The following MBD5 variants were observed in gnomAD, a reference collection of about 807,000 sequenced individuals.
MBD5 encodes the protein methyl-CpG-binding domain protein 5.
MBD5 carries 13 observed loss-of-function variants against 117.3 expected under a neutral mutation model. That is an observed-to-expected ratio of 0.11 (90% CI 0.07 to 0.18). The LOEUF is 0.18. Ranked by LOEUF, MBD5 falls within the 10% of genes least tolerant of loss-of-function variation. The probability of loss-of-function intolerance (pLI) is 1.00; values close to 1 mark genes in which losing one functional copy is unlikely to be tolerated. For missense variants in MBD5, 1,879 were observed against 2,093.8 expected, an observed-to-expected ratio of 0.90 and a Z score of 2.00; for synonymous variants, 727 against 766.4, an observed-to-expected ratio of 0.95 and a Z score of 0.85.
chr2:148,213,200 A>C (rs1442580496), intron 2 of MBD5, among the ~76,000 whole-genome samples: 2 of 152,166 alleles, frequency 1.3e-5, no homozygotes, highest in Non-Finnish European at 2.9e-5. Context: ...TTATCACTTA[A>C]TTTTTTCCCT....
intron 4 of MBD5, among the ~76,000 whole-genome samples, chr2:148,397,353 G>A (rs1335428952): frequency 1.4e-5 from 2 of 141,354 alleles, no homozygotes; most frequent in African/African-American, 2.6e-5. Flanking sequence ...TTTTTGAGAC[G>A]GAGTCTCGCT....
chr2:148,172,270 C>T (rs1218573649), intron 1 of MBD5, among the ~76,000 whole-genome samples: 5 of 152,224 alleles, frequency 3.3e-5, no homozygotes, highest in Admixed American at 6.5e-5. Context: ...GCCCACCCTG[C>T]CCCTGCAGGC....
In MBD5 at chr2:148,021,432, T is replaced by C; in HGVS notation, c.-1177T>C. On this transcript the variant is annotated 5_prime_UTR_variant, in exon 1 of 14. Coordinates refer to ENST00000642680, the MANE Select transcript of MBD5 (RefSeq NM_001378120.1). ...GGAGGAGAGAAAGAAACCAAAAGCC[T>C]CTTAGCAACACAGACCCTTTGCTGC... 1 of 546,522 alleles carries C rather than the reference T, an allele frequency of 1.8e-6. No individual in the cohort carries two copies. Among genetic ancestry groups the C allele is most frequent in the South Asian group, 1.5e-5 (1 of 65,754 alleles). 33.9% of individuals were successfully genotyped at this position (546,522 alleles called of 1,614,324 possible). A position where few individuals can be genotyped will look rare whatever the true frequency, so the allele number is the denominator to read the frequency against.
intron 4 of MBD5, among the ~76,000 whole-genome samples, chr2:148,426,619 A>G (rs956151001): frequency 6.6e-6 from 1 of 152,156 alleles, no homozygotes; most frequent in African/African-American, 2.4e-5. Context: ...CTGAAACTGG[A>G]TCCCTTCCTT....
chr2:148,300,206 C>T (rs1701749763), intron 3 of MBD5, among the ~76,000 whole-genome samples: 1 of 152,224 alleles, frequency 6.6e-6, no homozygotes, highest in South Asian at 2.1e-4. Context: ...AGGTGCCCAC[C>T]ACCACATCCA....
At chr2:148,328,405 C>T in intron 3 of MBD5, among the ~76,000 whole-genome samples, 1 of 152,226 alleles carries the variant, frequency 6.6e-6, no homozygotes, top group Non-Finnish European at 1.5e-5. Flanking sequence ...TTTACCTAAG[C>T]AAGCCTGGGC....
At chr2:148,201,887 A>G (rs1472839901) in intron 2 of MBD5, among the ~76,000 whole-genome samples, 2 of 152,210 alleles carry the variant, frequency 1.3e-5, no homozygotes, top group African/African-American at 4.8e-5. Flanking sequence ...ACAACAGTGT[A>G]GAAAACAAAT....
chr2:148,510,160 T>C (rs1682174673), intron 13 of MBD5, 25 bp downstream of exon 13: 1 of 1,531,786 alleles, frequency 6.5e-7, no homozygotes, highest in Non-Finnish European at 9.0e-7. Flanking sequence ...TTTTCCATTA[T>C]ACTACGTTTC....
In MBD5 at chr2:148,513,763, C is replaced by A. The variant is rs751745476; in HGVS notation, c.*822C>A. 5 of 152,048 alleles carry A rather than the reference C, an allele frequency of 3.3e-5. No homozygotes were observed. Among genetic ancestry groups the A allele is most frequent in the Non-Finnish European group, 5.9e-5 (4 of 67,982 alleles). 9.4% of individuals were successfully genotyped at this position (152,048 alleles called of 1,614,324 possible). A position where few individuals can be genotyped will look rare whatever the true frequency, so the allele number is the denominator to read the frequency against. On this transcript the variant is annotated 3_prime_UTR_variant, in exon 14 of 14. Coordinates refer to ENST00000642680, the MANE Select transcript of MBD5 (RefSeq NM_001378120.1). ...TAGAATAGGTTTTATAAAAAAAAATCTTAGATGGAATATTTTACTCAGCCA... is the reference window on the plus strand; with the variant it reads ...TAGAATAGGTTTTATAAAAAAAAATATTAGATGGAATATTTTACTCAGCCA...
At chr2:148,178,360 G>A (rs146323661) in intron 1 of MBD5, among the ~76,000 whole-genome samples, 4 of 152,216 alleles carry the variant, frequency 2.6e-5, no homozygotes, top group African/African-American at 9.6e-5. Flanking sequence ...TTTTTAGAAT[G>A]GGGCTCTGTT....
At chr2:148,377,115 C>A (rs1704014486) in intron 4 of MBD5, among the ~76,000 whole-genome samples, 1 of 151,644 alleles carries the variant, frequency 6.6e-6, no homozygotes, top group African/African-American at 2.4e-5. Context: ...CTCACGCAAT[C>A]ACAAGATCCC....
chr2:148,060,172 G>A (rs533386829), intron 1 of MBD5, among the ~76,000 whole-genome samples: 14 of 133,898 alleles, frequency 1.0e-4, no homozygotes, highest in African/African-American at 3.9e-4. Flanking sequence ...AGCCAGGCAT[G>A]GTGGTGCAGG....
intron 3 of MBD5, among the ~76,000 whole-genome samples, chr2:148,296,862 CAATTT>C: frequency 3.6e-5 from 1 of 27,898 alleles, no homozygotes; most frequent in Admixed American, 5.4e-4. Context: ...TTTAGTTCTT[CAATTT>C]TTTTTTTTTT....
At chr2:148,508,641 G>A (rs953051727) in intron 12 of MBD5, among the ~76,000 whole-genome samples, 3 of 152,044 alleles carry the variant, frequency 2.0e-5, no homozygotes, top group Admixed American at 1.3e-4. Flanking sequence ...AAAAATAAAT[G>A]ACAAAAATAT....
At chr2:148,041,355 A>G (rs149596347) in intron 1 of MBD5, 2 of 152,350 alleles carry the variant, frequency 1.3e-5, no homozygotes, top group South Asian at 2.1e-4. Flanking sequence ...TACTGAAACT[A>G]TGGAGAGACA....
chr2:148,469,413 CAGGTCACCA>C lies in MBD5; in HGVS notation c.1477_1485del (p.Pro493_Ser495del). The stretch of plus-strand genomic sequence containing the variant: ...CTTCTAGTGGTATTAAGGTTCCACC[CAGGTCACCA>C]AGGTCAACAATAGGGTCCCCAAGGC... On this transcript the variant is annotated inframe_deletion, in exon 8 of 14. Coordinates refer to ENST00000642680, the MANE Select transcript of MBD5 (RefSeq NM_001378120.1). 2.0e-5 allele frequency: 32 copies of C among 1,613,872 alleles called. No homozygotes were observed. Among genetic ancestry groups the C allele is most frequent in the Non-Finnish European group, 2.5e-5 (29 of 1,179,944 alleles).
intron 4 of MBD5, among the ~76,000 whole-genome samples, chr2:148,438,776 C>T (rs1167861972): frequency 6.6e-6 from 1 of 152,146 alleles, no homozygotes; most frequent in African/African-American, 2.4e-5. Context: ...ATGTCCAAAG[C>T]AGCAAAAGAA....
At position 148,441,699 on chromosome 2, in the gene MBD5, T is replaced by G. The variant is rs868783929; in HGVS notation, c.-556-16504T>G. Among the ~76,000 whole-genome samples the G allele has an allele frequency of 1.2e-4, 18 of 152,134 alleles. 1 individual carries two copies. The highest frequency in any genetic ancestry group is 6.8e-3 in the Middle Eastern group (2 of 294). ...TCGCCACACCGACTTCCACAATGGT[T>G]GAACTAGTTTACAGTCCCACCAACA... On this transcript the variant is annotated intron_variant, in intron 4 of 13. Transcript: ENST00000642680.
At chr2:148,050,706 G>A (rs1198446216) in intron 1 of MBD5, among the ~76,000 whole-genome samples, 1 of 152,092 alleles carries the variant, frequency 6.6e-6, no homozygotes, top group African/African-American at 2.4e-5. Context: ...TCAAAAATCT[G>A]TTAATCAAAG....
Sources: allele counts gnomAD v4.1 joint callset (sites outside exome capture counted in the v4.1 genomes callset), GRCh38; gene constraint gnomAD v4.1.1; transcripts MANE v1.5; gene names NCBI Gene and HGNC (gene_info 2026-07-23, HGNC 2026-07-21).